TMCC1: variants seen among roughly 807,000 people sequenced by gnomAD.
The protein encoded by TMCC1 is transmembrane and coiled-coil domains protein 1.
In TMCC1, 15 loss-of-function variants were observed where a neutral mutation model predicts 52.4. The ratio of observed to expected loss-of-function variants is 0.29; its 90% confidence interval spans 0.19 to 0.44. The LOEUF is 0.44. TMCC1 is among the 20% of genes least tolerant of loss of function. TMCC1 has a pLI of 1.00. For synonymous variants in TMCC1, 279 were observed against 301.9 expected, an observed-to-expected ratio of 0.92 and a Z score of 0.79; for missense variants, 503 against 806.0, an observed-to-expected ratio of 0.62 and a Z score of 4.55.
intron 4 of TMCC1, among the ~76,000 whole-genome samples, chr3:129,806,499 G>A (rs1455793823): frequency 1.3e-5 from 2 of 152,196 alleles, no homozygotes; most frequent in Non-Finnish European, 2.9e-5. Context: ...AAGACCTATA[G>A]ATACTGATAA....
chr3:129,883,002 A>C (rs1385811099), intron 1 of TMCC1, among the ~76,000 whole-genome samples: 1 of 152,196 alleles, frequency 6.6e-6, no homozygotes, highest in Non-Finnish European at 1.5e-5. Flanking sequence ...AAAATGGTTA[A>C]AATCAGCCAG....
At chr3:129,809,252 A>G (rs1014150980) in intron 4 of TMCC1, among the ~76,000 whole-genome samples, 1 of 151,358 alleles carries the variant, frequency 6.6e-6, no homozygotes, top group African/African-American at 2.4e-5. Context: ...ATCTCAAAAA[A>G]AAAAAAAAAA....
At chr3:129,686,811 T>C (rs765370084) in intron 4 of TMCC1, among the ~76,000 whole-genome samples, 2 of 151,972 alleles carry the variant, frequency 1.3e-5, no homozygotes, top group African/African-American at 2.4e-5. Flanking sequence ...TCCTCAAAGA[T>C]AGAAAAGGAG....
rs1560350161 is a variant in TMCC1 at position 129,759,709 on chromosome 3, A to ATTTTTTTTT, written c.576+68093_576+68094insAAAAAAAAA. 2.8e-4 allele frequency among the ~76,000 whole-genome samples: 28 copies of ATTTTTTTTT among 98,370 alleles called. 2 individuals carry two copies. Among genetic ancestry groups the ATTTTTTTTT allele is most frequent in the African/African-American group, 1.1e-3 (28 of 25,368 alleles). 64.5% of individuals were successfully genotyped at this position (98,370 alleles called of 152,430 possible). A position where few individuals can be genotyped will look rare whatever the true frequency, so the allele number is the denominator to read the frequency against. Reference sequence around the variant, plus strand: ...GGCATGAGCCACTGCAGCCAGCCAAACTTTTTTTTTTTTTTTTTTTTTTTT... The same window carrying ATTTTTTTTT: ...GGCATGAGCCACTGCAGCCAGCCAAATTTTTTTTTCTTTTTTTTTTTTTTTTTTTTTTTT... On this transcript the variant is annotated intron_variant, in intron 4 of 6. Transcript: ENST00000393238.
At chr3:129,723,360 CTTTTTTTTTT>C (rs62761061) in intron 4 of TMCC1, among the ~76,000 whole-genome samples, 1 of 105,628 alleles carries the variant, frequency 9.5e-6, no homozygotes. Context: ...AAATCTTTTT[CTTTTTTTTTT>C]TTTTTTTTTG....
chr3:129,676,370 G>A (rs2088450005), intron 4 of TMCC1, among the ~76,000 whole-genome samples: 1 of 152,156 alleles, frequency 6.6e-6, no homozygotes, highest in African/African-American at 2.4e-5. Context: ...CTAGGGATAT[G>A]GTCAGAAGCC....
intron 2 of TMCC1, among the ~76,000 whole-genome samples, chr3:129,855,118 G>A (rs2060093939): frequency 6.6e-6 from 1 of 152,136 alleles, no homozygotes; most frequent in Admixed American, 6.5e-5. Flanking sequence ...CTTTGGCAAG[G>A]TCCTTTTAGC....
intron 2 of TMCC1, among the ~76,000 whole-genome samples, chr3:129,864,337 C>T (rs553855723): frequency 6.6e-6 from 1 of 152,306 alleles, no homozygotes; most frequent in South Asian, 2.1e-4. Context: ...TGAATCTAGC[C>T]TTCTATTCAC....
intron 5 of TMCC1, among the ~76,000 whole-genome samples, chr3:129,668,868 A>G (rs570406073): frequency 2.0e-5 from 3 of 152,154 alleles, no homozygotes; most frequent in Admixed American, 1.3e-4. Flanking sequence ...TGGGTGGTCC[A>G]CCCACCTCAG....
chr3:129,892,796 C>G (rs557808500), intron 1 of TMCC1: 2 of 152,298 alleles, frequency 1.3e-5, no homozygotes, highest in South Asian at 2.1e-4. Context: ...TTTACCGAGG[C>G]TGAAAAAGCA....
At chr3:129,852,072 G>T (rs1050583508) in intron 2 of TMCC1, among the ~76,000 whole-genome samples, 6 of 152,166 alleles carry the variant, frequency 3.9e-5, no homozygotes, top group Non-Finnish European at 7.4e-5. Flanking sequence ...AGGATTGTTT[G>T]AACCTGGAAA....
At chr3:129,821,320 A>G (rs1297552530) in intron 4 of TMCC1, among the ~76,000 whole-genome samples, 5 of 152,142 alleles carry the variant, frequency 3.3e-5, no homozygotes, top group Non-Finnish European at 7.4e-5. Context: ...CCTAAGCACT[A>G]ATTACTTCAT....
intron 4 of TMCC1, among the ~76,000 whole-genome samples, chr3:129,768,232 T>C (rs1048179698): frequency 2.6e-5 from 4 of 152,164 alleles, no homozygotes; most frequent in Non-Finnish European, 5.9e-5. Context: ...TATTTCAGTT[T>C]GCTTTCGGTA....
At chr3:129,764,207 C>A (rs1399897751) in intron 4 of TMCC1, among the ~76,000 whole-genome samples, 2 of 152,126 alleles carry the variant, frequency 1.3e-5, no homozygotes, top group African/African-American at 4.8e-5. Context: ...CACTGTTTTG[C>A]CATACATAGA....
chr3:129,809,997 G>A (rs2057711021), intron 4 of TMCC1, among the ~76,000 whole-genome samples: 1 of 152,154 alleles, frequency 6.6e-6, no homozygotes, highest in Non-Finnish European at 1.5e-5. Flanking sequence ...AACTTGTCTT[G>A]AATTTCTGTA....
chr3:129,868,739 C>T (rs2060776571), intron 2 of TMCC1, among the ~76,000 whole-genome samples: 1 of 152,200 alleles, frequency 6.6e-6, no homozygotes, highest in African/African-American at 2.4e-5. Context: ...TGCGCCCAGC[C>T]TAGCTGTTTC....
Position 129,651,603 on chromosome 3 carries a change from G to T in TMCC1, c.1840C>A (p.Leu614Ile). The T allele has an allele frequency of 1.2e-6, 2 of 1,614,210 alleles. No individual in the cohort carries two copies. Among genetic ancestry groups the T allele is most frequent in the Non-Finnish European group, 1.7e-6 (2 of 1,180,036 alleles). The change falls in exon 7 of 7, where the codon CTC (leucine) becomes ATC (isoleucine). Residue 614 changes from leucine (L) to isoleucine (I), a missense_variant. Physicochemically the swap from Leu to Ile is conservative, Grantham distance 5. Coordinates refer to ENST00000393238, the MANE Select transcript of TMCC1 (RefSeq NM_001017395.5). This position sits in a 1 kb window ranked among gnomAD's most constrained non-coding sequence, Gnocchi z 5.1. ...AACGTCCTGTTGCGAGTCTTCATGA[G>T]GGGGACCACACAGTTGGCTACAGTG... ...VSTVANCVVPLMKTRNRTFST... is the reference protein window; with the variant it reads ...VSTVANCVVPIMKTRNRTFST...
intron 2 of TMCC1, among the ~76,000 whole-genome samples, chr3:129,858,790 A>T (rs2060255067): frequency 6.6e-6 from 1 of 152,202 alleles, no homozygotes; most frequent in South Asian, 2.1e-4. Context: ...AAATAAAAGG[A>T]TTAAAACATA....
At chr3:129,883,184 T>C (rs186546626) in intron 1 of TMCC1, among the ~76,000 whole-genome samples, 3 of 151,948 alleles carry the variant, frequency 2.0e-5, no homozygotes, top group East Asian at 1.9e-4. Context: ...TGGTGGCACA[T>C]GCCTGTAATC....
Sources: gnomAD v4.1 joint callset for allele counts (sites outside exome capture counted in the v4.1 genomes callset) on GRCh38, gnomAD v4.1.1 for gene constraint, Gnocchi (gnomAD v3.1) non-coding constraint, MANE v1.5 for transcripts, NCBI Gene and HGNC (gene_info 2026-07-23, HGNC 2026-07-21) for gene names.